Variants in JPT1 observed in about 807,000 individuals in gnomAD.
JPT1 encodes Jupiter microtubule associated homolog 1.
Under a neutral mutation model 17.0 loss-of-function variants are expected in JPT1, and 5 were observed. That is an observed-to-expected ratio of 0.29 (90% CI 0.15 to 0.62). The LOEUF (loss-of-function observed/expected upper bound fraction) is 0.62, where lower values mean the gene tolerates loss of function less well. Ranked by LOEUF, JPT1 falls within the 20% of genes least tolerant of loss-of-function variation. The pLI is 0.85. For synonymous variants in JPT1, 71 were observed against 73.6 expected (o/e 0.96, Z 0.18); for missense variants, 158 against 188.1 (o/e 0.84, Z 0.94).
At chr17:75,138,897 A>G (rs76254107) in intron 4 of JPT1, among the ~76,000 whole-genome samples, 5,355 of 152,252 alleles carry the variant, frequency 0.035, 142 homozygotes, top group Non-Finnish European at 0.053. Flanking sequence ...GAATTTCTGG[A>G]ACATTCTATG....
chr17:75,144,151 C>T (rs2074379448), intron 4 of JPT1, among the ~76,000 whole-genome samples: 1 of 152,158 alleles, frequency 6.6e-6, no homozygotes, highest in African/African-American at 2.4e-5. Context: ...GGTACAGGAG[C>T]TCCTGTACTT....
intron 1 of JPT1, among the ~76,000 whole-genome samples, chr17:75,149,343 A>G (rs1480297139): frequency 6.6e-6 from 1 of 152,174 alleles, no homozygotes; most frequent in Non-Finnish European, 1.5e-5. Context: ...TGACAGAGCA[A>G]GACTCTGTCT....
chr17:75,149,090 C>T (rs1216174857), intron 1 of JPT1: 6 of 1,261,394 alleles, frequency 4.8e-6, no homozygotes, highest in African/African-American at 4.6e-5. Context: ...GTGGCACACA[C>T]CTGTAATCCC....
At chr17:75,150,847 C>CTTTTTTTTTTTTTTTTTTTTTTTTTT (rs59267123) in intron 1 of JPT1, among the ~76,000 whole-genome samples, 1 of 65,958 alleles carries the variant, frequency 1.5e-5, no homozygotes, top group Non-Finnish European at 3.3e-5. Flanking sequence ...ATTTTTCTTT[C>CTTTTTTTTTTTTTTTTTTTTTTTTTT]TTTTTTTTTT....
Position 75,135,840 on chromosome 17 carries a change from T to G in JPT1, c.*262A>C. On this transcript the variant is annotated 3_prime_UTR_variant, in exon 5 of 5. Transcript: ENST00000409753. ...TCTAACACATCTGGAACCAAATTAT[T>G]TCTTCTTAAAAACACAGTACTAAGT... 1 of 662,804 alleles carries G rather than the reference T, an allele frequency of 1.5e-6. No individual in the cohort carries two copies. Among genetic ancestry groups the G allele is most frequent in the Non-Finnish European group, 2.5e-6 (1 of 401,654 alleles). The allele number at this position is 662,804 out of a possible 1,614,324, so 41.1% of individuals were successfully genotyped here. A position where few individuals can be genotyped will look rare whatever the true frequency, so the allele number is the denominator to read the frequency against.
At position 75,154,432 on chromosome 17, in the gene JPT1, A is replaced by C; in HGVS notation, c.-35T>G. Reference sequence around the variant, plus strand: ...GAGCGAGGTAGGCTGGCGCCGGAGCAGAACGCTCAAAGGGTCGGACCCGAG... The same window carrying C: ...GAGCGAGGTAGGCTGGCGCCGGAGCCGAACGCTCAAAGGGTCGGACCCGAG... On this transcript the variant is annotated 5_prime_UTR_variant, in exon 1 of 5. Transcript: ENST00000409753. 1 of 1,544,364 alleles carries C rather than the reference A, an allele frequency of 6.5e-7. No individual in the cohort carries two copies. The highest frequency in any genetic ancestry group is 8.7e-7 in the Non-Finnish European group (1 of 1,143,966).
chr17:75,145,216 A>ATC (rs1400507155), intron 4 of JPT1: 2 of 107,358 alleles, frequency 1.9e-5, no homozygotes, highest in Non-Finnish European at 5.1e-5. Context: ...ACTGTGTGAG[A>ATC]AGGCAGGAGA....
chr17:75,136,986 G>A (rs1283607772), intron 4 of JPT1, among the ~76,000 whole-genome samples: 3 of 152,236 alleles, frequency 2.0e-5, no homozygotes, highest in Non-Finnish European at 2.9e-5. Context: ...TAACATAAAT[G>A]GTATCAACTT....
intron 4 of JPT1, 147 bp from the exon 5 acceptor site, chr17:75,136,397 C>G (rs1598183858): frequency 1.5e-6 from 1 of 656,548 alleles, no homozygotes; most frequent in Non-Finnish European, 2.5e-6. Flanking sequence ...CCACCATGCT[C>G]CCACTCCACA....
chr17:75,146,365 C>A lies in JPT1; in HGVS notation c.316+301G>T, dbSNP rs1262538378. 1.5e-5 allele frequency: 4 copies of A among 270,310 alleles called. No individual in the cohort carries two copies. The South Asian group carries it at 2.4e-4, about 16-fold the overall frequency. The allele number at this position is 270,310 out of a possible 1,614,324, so 16.7% of individuals were successfully genotyped here. ...GACAGGGTTTCACCATGTTTCCAGG[C>A]TGGTCTTGAACTCCTGGGCTCAAGC... On this transcript the variant is annotated intron_variant, in intron 4 of 4. Coordinates refer to ENST00000409753, the MANE Select transcript of JPT1 (RefSeq NM_016185.4).
intron 2 of JPT1, chr17:75,148,000 T>C (rs1028219545): frequency 2.0e-5 from 5 of 245,924 alleles, no homozygotes; most frequent in South Asian, 1.6e-4. Flanking sequence ...AATGAGACTC[T>C]TATCTCAAAA....
Position 75,136,030 on chromosome 17 carries a change from G to C in JPT1, c.*72C>G, listed in dbSNP as rs1401624553. ...ATGAAACAAATCCAAGAGATGTACA[G>C]TCAGGCTCAAGTTGTGCAGTTCACA... On this transcript the variant is annotated 3_prime_UTR_variant, in exon 5 of 5. Coordinates refer to ENST00000409753, the MANE Select transcript of JPT1 (RefSeq NM_016185.4). 1 of 1,613,820 alleles carries C rather than the reference G, an allele frequency of 6.2e-7. No individual in the cohort carries two copies.
At chr17:75,151,920 G>A (rs1298127537) in intron 1 of JPT1, among the ~76,000 whole-genome samples, 2 of 150,814 alleles carry the variant, frequency 1.3e-5, no homozygotes, top group Non-Finnish European at 2.9e-5. Flanking sequence ...GGTGAGCAGA[G>A]ATTGTGCCAC....
chr17:75,143,545 G>A (rs188167943), intron 4 of JPT1, among the ~76,000 whole-genome samples: 1 of 150,966 alleles, frequency 6.6e-6, no homozygotes, highest in Admixed American at 6.6e-5. Flanking sequence ...GGCAAAAAGT[G>A]TGAAACTTGG....
intron 4 of JPT1, chr17:75,145,758 CTG>C (rs1405766563): frequency 6.6e-6 from 1 of 152,176 alleles, no homozygotes; most frequent in Non-Finnish European, 1.5e-5. Flanking sequence ...CTTGGCTAGT[CTG>C]TGATAAATAG....
Position 75,148,941 on chromosome 17 carries a change from C to G in JPT1, c.57-270G>C, listed in dbSNP as rs1028090793. The G allele has an allele frequency of 2.7e-6, 3 of 1,107,306 alleles. No homozygotes were observed. In the African/African-American group the frequency reaches 4.8e-5, roughly 18 times the overall value. The allele number at this position is 1,107,306 out of a possible 1,614,324, so 68.6% of individuals were successfully genotyped here. A position where few individuals can be genotyped will look rare whatever the true frequency, so the allele number is the denominator to read the frequency against. The stretch of plus-strand genomic sequence containing the variant: ...ACAGCATGGAACTCATCATAAATAA[C>G]AGCCTGGTTGGTGTCCCCTTTTCAG... On this transcript the variant is annotated intron_variant, in intron 1 of 4. Coordinates refer to ENST00000409753, the MANE Select transcript of JPT1 (RefSeq NM_016185.4).
intron 1 of JPT1, among the ~76,000 whole-genome samples, chr17:75,152,729 GGC>G (rs1480370302): frequency 1.3e-5 from 2 of 152,074 alleles, no homozygotes; most frequent in African/African-American, 4.8e-5. Context: ...AAGTCTAACC[GGC>G]AGAAAGTTGG....
chr17:75,152,540 G>A (rs1311799303), intron 1 of JPT1, among the ~76,000 whole-genome samples: 3 of 152,144 alleles, frequency 2.0e-5, no homozygotes, highest in Non-Finnish European at 4.4e-5. Context: ...GACGAAAGGT[G>A]AATTAAACAT....
At chr17:75,154,223 C>T in intron 1 of JPT1, 119 bp downstream of exon 1, 5 of 700,686 alleles carry the variant, frequency 7.1e-6, no homozygotes, top group Non-Finnish European at 9.7e-6. Context: ...GCCACCCGCC[C>T]CGGCGCGAGC....
Sources: allele counts gnomAD v4.1 joint callset (sites outside exome capture counted in the v4.1 genomes callset), GRCh38; gene constraint gnomAD v4.1.1; transcripts MANE v1.5; gene names NCBI Gene and HGNC (gene_info 2026-07-23, HGNC 2026-07-21).